The following DMRT1 variants were observed in gnomAD, a reference collection of about 807,000 sequenced individuals.
The protein encoded by DMRT1 is doublesex- and mab-3-related transcription factor 1.
In DMRT1, 7 loss-of-function variants were observed where a neutral mutation model predicts 32.3. That is an observed-to-expected ratio of 0.22 (90% CI 0.12 to 0.41). The LOEUF (loss-of-function observed/expected upper bound fraction) is 0.41. Among genes scored for constraint, DMRT1 ranks in the 10% least tolerant of loss-of-function variants. The pLI is 1.00. For synonymous variants in DMRT1, 278 were observed against 206.1 expected, an observed-to-expected ratio of 1.35 and a Z score of -2.99; for missense variants, 625 against 500.5, an observed-to-expected ratio of 1.25 and a Z score of -2.37.
At chr9:886,038 T>C (rs1816915182) in intron 2 of DMRT1, among the ~76,000 whole-genome samples, 1 of 152,182 alleles carries the variant, frequency 6.6e-6, no homozygotes, top group Admixed American at 6.5e-5. Context: ...GAGTGAGATC[T>C]AGCTTAAGAA....
At chr9:849,790 GC>G (rs5895865) in intron 2 of DMRT1, among the ~76,000 whole-genome samples, 105,988 of 151,568 alleles carry the variant, frequency 0.7, 37,912 homozygotes, top group Middle Eastern at 0.78. Context: ...GGCTCCGGGA[GC>G]CTTTACCTTC....
At chr9:883,922 A>G (rs1816829127) in intron 2 of DMRT1, among the ~76,000 whole-genome samples, 1 of 152,116 alleles carries the variant, frequency 6.6e-6, no homozygotes, top group Non-Finnish European at 1.5e-5. Context: ...CTGGTATGTA[A>G]CTCTTAAAAC....
intron 4 of DMRT1, among the ~76,000 whole-genome samples, chr9:920,413 G>A (rs1027722110): frequency 6.6e-6 from 1 of 152,154 alleles, no homozygotes; most frequent in Non-Finnish European, 1.5e-5. Context: ...TTTAATGAGA[G>A]CCAAAGAGTG....
chr9:854,632 C>G (rs533707414), intron 2 of DMRT1, among the ~76,000 whole-genome samples: 1 of 151,868 alleles, frequency 6.6e-6, no homozygotes, highest in Non-Finnish European at 1.5e-5. Flanking sequence ...AAATGAGATC[C>G]GTTTGATTTT....
intron 4 of DMRT1, among the ~76,000 whole-genome samples, chr9:959,897 C>T (rs1819717479): frequency 6.6e-6 from 1 of 152,210 alleles, no homozygotes; most frequent in African/African-American, 2.4e-5. Flanking sequence ...TTTATGGTTG[C>T]AGTGTGTCTT....
At chr9:944,687 G>A (rs560447883) in intron 4 of DMRT1, among the ~76,000 whole-genome samples, 1 of 152,214 alleles carries the variant, frequency 6.6e-6, no homozygotes, top group East Asian at 1.9e-4. Context: ...TTGGGTAAAT[G>A]GTACCAAGCC....
rs776422704 is a variant in DMRT1, at chr9:916,917, T to C, written c.967+10T>C. On this transcript the variant is annotated intron_variant, in intron 4 of 4. Coordinates refer to ENST00000382276, the MANE Select transcript of DMRT1 (RefSeq NM_021951.3). ...GAAGCCAGGGCGAGCGGTAGGTGTC[T>C]GGTCACACAGACTGGATTTGGGGTT... 1.2e-5 allele frequency: 20 copies of C among 1,614,068 alleles called. No individual in the cohort carries two copies. In the South Asian group the frequency reaches 1.5e-4, roughly 12 times the overall value.
At chr9:923,462 T>C (rs1273507796) in intron 4 of DMRT1, among the ~76,000 whole-genome samples, 1 of 91,016 alleles carries the variant, frequency 1.1e-5, no homozygotes, top group Non-Finnish European at 2.3e-5. Context: ...ATGTTGGCTC[T>C]GTGGAGGCCA....
intron 3 of DMRT1, among the ~76,000 whole-genome samples, chr9:915,751 T>TTTTTTTTTTTTTG (rs1564248221): frequency 3.3e-5 from 5 of 150,006 alleles, no homozygotes; most frequent in African/African-American, 1.0e-4. Context: ...ATATATTTTT[T>TTTTTTTTTTTTTG]AGACAGAGTC....
In DMRT1 at chr9:877,723, A is replaced by G. The variant is rs543856193; in HGVS notation, c.539-16189A>G. The stretch of plus-strand genomic sequence containing the variant: ...AGTCTTTAAAAAGCACGATACAATT[A>G]AACAGCAGAATCAAAGCAAAGGGAG... On this transcript the variant is annotated intron_variant, in intron 2 of 4. Coordinates refer to ENST00000382276, the MANE Select transcript of DMRT1 (RefSeq NM_021951.3). Among the ~76,000 whole-genome samples, 42 of 152,360 alleles carry G rather than the reference A, an allele frequency of 2.8e-4. 1 individual carries two copies. The highest frequency in any genetic ancestry group is 9.4e-4 in the African/African-American group (39 of 41,586).
At chr9:879,799 C>CT (rs1816658556) in intron 2 of DMRT1, among the ~76,000 whole-genome samples, 1 of 152,198 alleles carries the variant, frequency 6.6e-6, no homozygotes, top group African/African-American at 2.4e-5. Flanking sequence ...TTGGATGGCT[C>CT]TTTCATCCGT....
At chr9:883,770 C>T (rs1195788193) in intron 2 of DMRT1, among the ~76,000 whole-genome samples, 16 of 146,878 alleles carry the variant, frequency 1.1e-4, no homozygotes, top group East Asian at 9.9e-4. Flanking sequence ...TCAGCCTGGG[C>T]GGAGCAAGAC....
chr9:908,011 A>G (rs1306345588), intron 3 of DMRT1, among the ~76,000 whole-genome samples: 1 of 152,246 alleles, frequency 6.6e-6, no homozygotes, highest in Non-Finnish European at 1.5e-5. Context: ...GTTGAACAAC[A>G]CAAGTTAAAA....
chr9:890,169 A>C (rs1436414802), intron 2 of DMRT1, among the ~76,000 whole-genome samples: 1 of 141,482 alleles, frequency 7.1e-6, no homozygotes. Flanking sequence ...GCTCAGGCCG[A>C]CTGAGCTGAG....
At chr9:855,110 T>C (rs115072337) in intron 2 of DMRT1, among the ~76,000 whole-genome samples, 5,928 of 152,012 alleles carry the variant, frequency 0.039, 357 homozygotes, top group African/African-American at 0.13. Context: ...AGTGTCTCAA[T>C]TTTGTTTATC....
At chr9:963,027 A>C (rs1819825803) in intron 4 of DMRT1, among the ~76,000 whole-genome samples, 1 of 152,190 alleles carries the variant, frequency 6.6e-6, no homozygotes, top group Non-Finnish European at 1.5e-5. Flanking sequence ...GTTTTACATA[A>C]AATTTAGAGG....
At chr9:881,896 A>C (rs1185781817) in intron 2 of DMRT1, among the ~76,000 whole-genome samples, 1 of 152,178 alleles carries the variant, frequency 6.6e-6, no homozygotes, top group East Asian at 1.9e-4. Flanking sequence ...AGAGTCCCAA[A>C]CTGTCTCTGG....
intron 2 of DMRT1, among the ~76,000 whole-genome samples, chr9:854,779 T>TC (rs1815318225): frequency 1.6e-5 from 2 of 126,812 alleles, no homozygotes; most frequent in Non-Finnish European, 3.4e-5. Flanking sequence ...CTCCTTTTTT[T>TC]TTTTGAAACA....
chr9:966,789 A>C (rs1819943354), intron 4 of DMRT1, among the ~76,000 whole-genome samples: 1 of 152,234 alleles, frequency 6.6e-6, no homozygotes, highest in South Asian at 2.1e-4. Flanking sequence ...ATTAAATTCC[A>C]AACATAATAA....
Sources: gnomAD v4.1 joint callset for allele counts (sites outside exome capture counted in the v4.1 genomes callset) on GRCh38, gnomAD v4.1.1 for gene constraint, MANE v1.5 for transcripts, NCBI Gene and HGNC (gene_info 2026-07-23, HGNC 2026-07-21) for gene names.